ZNF560: variants seen among roughly 807,000 people sequenced by gnomAD.
The protein encoded by ZNF560 is zinc finger protein 560.
ZNF560 carries 54 observed loss-of-function variants against 81.8 expected under a neutral mutation model. That is an observed-to-expected ratio of 0.66 (90% CI 0.53 to 0.83). ZNF560 has a LOEUF of 0.83. Among genes scored for constraint, ZNF560 ranks in the 40% least tolerant of loss-of-function variants. ZNF560 has a pLI of 0.00. For synonymous variants in ZNF560, 321 were observed against 317.9 expected (o/e 1.01, Z -0.10); for missense variants, 940 against 932.4 (o/e 1.01, Z -0.11).
intron 2 of ZNF560, among the ~76,000 whole-genome samples, chr19:9,490,644 T>C (rs1363018525): frequency 6.6e-6 from 1 of 152,212 alleles, no homozygotes; most frequent in African/African-American, 2.4e-5. Context: ...TATAAACAAA[T>C]GAACATAGTT....
At position 9,467,371 on chromosome 19, in the gene ZNF560, T is replaced by A. The variant is rs1297399114; in HGVS notation, c.1576A>T (p.Thr526Ser). ...TGAATACGAAGACAGGCAGAAGAGG[T>A]AAATGGTTTCCCACATTTGTAACAC... The part of the protein sequence containing the change: ...FKCYKCGKPF[T>S]SSACLRIHMR... Residue 526 changes from threonine (T) to serine (S), a missense_variant, in exon 10 of 10, where the codon ACC becomes TCC. Physicochemically the swap from Thr to Ser is moderately conservative, Grantham distance 58 (BLOSUM62 1). Transcript: ENST00000301480. 1 of 1,614,154 alleles carries A rather than the reference T, an allele frequency of 6.2e-7. No individual in the cohort carries two copies. Among genetic ancestry groups the A allele is most frequent in the Non-Finnish European group, 8.5e-7 (1 of 1,180,026 alleles).
intron 2 of ZNF560, among the ~76,000 whole-genome samples, chr19:9,485,357 C>G (rs12460174): frequency 2.6e-5 from 4 of 151,682 alleles, no homozygotes; most frequent in African/African-American, 9.7e-5. Context: ...CTGGAATGCA[C>G]GGATGGTTCA....
intron 3 of ZNF560, among the ~76,000 whole-genome samples, chr19:9,474,805 T>A (rs987422387): frequency 3.4e-5 from 5 of 149,112 alleles, no homozygotes; most frequent in African/African-American, 4.9e-5. Context: ...ACTACAGCCA[T>A]GCACCACCAT....
chr19:9,474,823 A>ATTTTTTTTTTT (rs35450965), intron 3 of ZNF560, among the ~76,000 whole-genome samples: 1 of 85,684 alleles, frequency 1.2e-5, no homozygotes, highest in Non-Finnish European at 2.2e-5. Flanking sequence ...CATGCCTGGC[A>ATTTTTTTTTTT]TTTTTTTTTT....
At chr19:9,452,536 G>A in the ZNF560 span, among the ~76,000 whole-genome samples, 6 of 152,120 alleles carry the variant, frequency 3.9e-5, no homozygotes, top group Admixed American at 2.0e-4. Flanking sequence ...TAAAGAAAAC[G>A]TAGTACATAT....
rs567628768 is a variant in ZNF560, at chr19:9,484,556, C to T, written c.-56-9187G>A. Among the ~76,000 whole-genome samples, 281 of 149,000 alleles carry T rather than the reference C, an allele frequency of 1.9e-3. 1 individual carries two copies. Among genetic ancestry groups the T allele is most frequent in the African/African-American group, 6.6e-3 (266 of 40,320 alleles). Reference sequence around the variant, plus strand: ...CGGCACTTTGGGAGGCTGAGGCAGGCAGATGACTTGAGGTCAGGAGTTTGA... The same window carrying T: ...CGGCACTTTGGGAGGCTGAGGCAGGTAGATGACTTGAGGTCAGGAGTTTGA... On this transcript the variant is annotated intron_variant, in intron 2 of 9. Coordinates refer to ENST00000301480, the MANE Select transcript of ZNF560 (RefSeq NM_152476.3).
At chr19:9,484,879 CAAAT>C (rs143271499) in intron 2 of ZNF560, among the ~76,000 whole-genome samples, 6,936 of 149,886 alleles carry the variant, frequency 0.046, 522 homozygotes, top group African/African-American at 0.16. Context: ...AAAGAACACT[CAAAT>C]AAAATCAGAT....
At chr19:9,486,805 A>C (rs2073391573) in intron 2 of ZNF560, among the ~76,000 whole-genome samples, 2 of 152,208 alleles carry the variant, frequency 1.3e-5, no homozygotes, top group African/African-American at 2.4e-5. Flanking sequence ...AACTTCCTTC[A>C]AGCCTCCTTG....
chr19:9,465,858 G>C (rs2073006279), downstream of ZNF560, among the ~76,000 whole-genome samples: 1 of 152,208 alleles, frequency 6.6e-6, no homozygotes, highest in Non-Finnish European at 1.5e-5. Flanking sequence ...GCCAGGTGCA[G>C]TGGTGTGTGC....
At chr19:9,493,422 T>C (rs1241729768) in intron 2 of ZNF560, among the ~76,000 whole-genome samples, 3 of 152,234 alleles carry the variant, frequency 2.0e-5, no homozygotes, top group Non-Finnish European at 4.4e-5. Flanking sequence ...AGGAGTGCAG[T>C]TGTGCCATCT....
downstream of ZNF560, among the ~76,000 whole-genome samples, chr19:9,463,285 T>A (rs1376400716): frequency 6.6e-6 from 1 of 152,120 alleles, no homozygotes; most frequent in African/African-American, 2.4e-5. Context: ...GGAAATCAGC[T>A]TCTGAAGCTA....
chr19:9,475,261 G>A (rs779908713), intron 3 of ZNF560, 23 bp downstream of exon 3: 3 of 1,612,248 alleles, frequency 1.9e-6, no homozygotes, highest in Non-Finnish European at 1.7e-6. Flanking sequence ...GTCATTTTGT[G>A]GAAGTATACA....
At chr19:9,481,931 C>A (rs552353750) in intron 2 of ZNF560, among the ~76,000 whole-genome samples, 2 of 152,178 alleles carry the variant, frequency 1.3e-5, no homozygotes, top group Admixed American at 1.3e-4. Flanking sequence ...TGGGTATATA[C>A]CCAAAGGATA....
the ZNF560 span, among the ~76,000 whole-genome samples, chr19:9,505,585 C>G: frequency 6.6e-6 from 1 of 152,202 alleles, no homozygotes; most frequent in Non-Finnish European, 1.5e-5. Context: ...ATGTCTTATA[C>G]TTTTAGCTCC....
rs576204919 is a variant in ZNF560, at chr19:9,487,577, G to A, written c.-57+10551C>T. Among the ~76,000 whole-genome samples, 3 of 152,314 alleles carry A rather than the reference G, an allele frequency of 2.0e-5. No individual in the cohort carries two copies. In the South Asian group the frequency reaches 6.2e-4, roughly 32 times the overall value. On this transcript the variant is annotated intron_variant, in intron 2 of 9. Transcript: ENST00000301480. ...ATGCCATGCAGGGGTCCATGCTGGAGGAGGACCAAAGCAGGAGGCTCTGAC... is the reference window on the plus strand; with the variant it reads ...ATGCCATGCAGGGGTCCATGCTGGAAGAGGACCAAAGCAGGAGGCTCTGAC...
chr19:9,471,711 T>C (rs997593509), intron 5 of ZNF560, among the ~76,000 whole-genome samples: 2 of 152,338 alleles, frequency 1.3e-5, no homozygotes, highest in South Asian at 2.1e-4. Context: ...CATAAGATCA[T>C]AGAAAGTTGG....
the ZNF560 span, among the ~76,000 whole-genome samples, chr19:9,449,125 C>G: frequency 2.6e-5 from 4 of 152,194 alleles, no homozygotes; most frequent in Non-Finnish European, 5.9e-5. Flanking sequence ...TTCTGGACTT[C>G]AATTTGAAAC....
At chr19:9,477,168 T>C (rs1017277550) in intron 2 of ZNF560, among the ~76,000 whole-genome samples, 2 of 152,202 alleles carry the variant, frequency 1.3e-5, no homozygotes, top group African/African-American at 4.8e-5. Flanking sequence ...GGGACTGTTA[T>C]ATGTTAGACA....
chr19:9,468,386 T>C, intron 9 of ZNF560, 52 bp from the exon 10 acceptor site: 1 of 1,288,208 alleles, frequency 7.8e-7, no homozygotes, highest in Non-Finnish European at 1.1e-6. Flanking sequence ...GACTTATTAA[T>C]AGATACCACT....
Sources: gnomAD v4.1 joint callset for allele counts (sites outside exome capture counted in the v4.1 genomes callset) on GRCh38, gnomAD v4.1.1 for gene constraint, MANE v1.5 for transcripts, NCBI Gene and HGNC (gene_info 2026-07-23, HGNC 2026-07-21) for gene names.